Variants in GPC1 observed in about 807,000 individuals in gnomAD.
The protein encoded by GPC1 is glypican 1.
GPC1 carries 26 observed loss-of-function variants against 51.5 expected under a neutral mutation model. The observed-to-expected ratio is 0.50, with a 90% CI of 0.37 to 0.70. The LOEUF (loss-of-function observed/expected upper bound fraction) is 0.70. GPC1 is among the 30% of genes least tolerant of loss of function. The probability of loss-of-function intolerance (pLI) is 0.00; values close to 1 mark genes in which losing one functional copy is unlikely to be tolerated. For synonymous variants in GPC1, 380 were observed against 348.3 expected (o/e 1.09, Z -1.01); for missense variants, 775 against 800.5 (o/e 0.97, Z 0.38).
Position 240,462,294 on chromosome 2 carries a change from C to T in GPC1, c.429C>T (p.Asp143=). The T allele has an allele frequency of 6.2e-6, 10 of 1,608,978 alleles. No individual in the cohort carries two copies. The highest frequency in any genetic ancestry group is 1.1e-5 in the South Asian group (1 of 90,374). The stretch of plus-strand genomic sequence containing the variant: ...CGCAGAACGCGAGGGCCTTCCGGGA[C>T]CTGTACTCAGAGCTGCGCCTGTACT... ...LYTQNARAFR[D]LYSELRLYYR... is the part of the protein sequence containing the mutation. The change falls in exon 3 of 9, where the codon GAC becomes GAT. Residue 143 remains aspartate (D), a synonymous_variant. Transcript: ENST00000264039.
At chr2:240,462,952 G>A (rs555770581) in intron 3 of GPC1, among the ~76,000 whole-genome samples, 1 of 152,284 alleles carries the variant, frequency 6.6e-6, no homozygotes, top group East Asian at 1.9e-4. Context: ...GGGCCCCAGA[G>A]CCTCGCAGGC....
At chr2:240,463,801 C>G (rs2074237212) in intron 4 of GPC1, 2 of 487,606 alleles carry the variant, frequency 4.1e-6, no homozygotes, top group East Asian at 7.0e-5. Flanking sequence ...TACATGCCAA[C>G]ACGTGTGACT....
Position 240,457,190 on chromosome 2 carries a change from C to T in GPC1, c.167-1840C>T, listed in dbSNP as rs1339646213. ...CAAGCCAGAGCCCCCTGCATCAGTA[C>T]ATTCCAGAACTCAGACAGGAAAAGA... On this transcript the variant is annotated intron_variant, in intron 1 of 8. Coordinates refer to ENST00000264039, the MANE Select transcript of GPC1 (RefSeq NM_002081.3). Among the ~76,000 whole-genome samples the T allele has an allele frequency of 2.6e-5, 4 of 152,286 alleles. No homozygotes were observed. The East Asian group carries it at 7.7e-4, about 29-fold the overall frequency.
chr2:240,458,853 T>C, intron 1 of GPC1, 177 bp from the exon 2 acceptor site: 1 of 586,756 alleles, frequency 1.7e-6, no homozygotes, highest in Non-Finnish European at 3.0e-6. Context: ...GCCAGGCCTT[T>C]TCCTCCCTCC....
chr2:240,446,494 G>A (rs1454393087), intron 1 of GPC1, among the ~76,000 whole-genome samples: 1 of 152,214 alleles, frequency 6.6e-6, no homozygotes, highest in Non-Finnish European at 1.5e-5. Flanking sequence ...CAGGAATCTA[G>A]GCATCTGCAT....
chr2:240,463,836 G>A, intron 4 of GPC1: 1 of 390,992 alleles, frequency 2.6e-6, no homozygotes, highest in Admixed American at 4.2e-5. Flanking sequence ...ACTTGTTTAA[G>A]CTAACACATA....
chr2:240,451,288 G>A (rs555327445), intron 1 of GPC1: 2 of 470,702 alleles, frequency 4.2e-6, no homozygotes, highest in East Asian at 1.4e-4. Context: ...TTTGTGGACT[G>A]GAATGTGGCT....
At chr2:240,454,062 GC>G (rs1406419971) in intron 1 of GPC1, among the ~76,000 whole-genome samples, 1 of 148,640 alleles carries the variant, frequency 6.7e-6, no homozygotes, top group African/African-American at 2.5e-5. Context: ...TGAAATGGTG[GC>G]GGGGGGGCTT....
rs1431903285 is a variant in GPC1, at chr2:240,463,353, C to T, written c.724C>T (p.Leu242=). 5.0e-6 allele frequency: 8 copies of T among 1,612,484 alleles called. No homozygotes were observed. Among genetic ancestry groups the T allele is most frequent in the African/African-American group, 2.7e-5 (2 of 74,900 alleles). Reference sequence around the variant, plus strand: ...AGGGTCCCTTGCTCCCCAGGTCCCCCTGGGCCCGGAGTGCTCGAGAGCTGT... The same window carrying T: ...AGGGTCCCTTGCTCCCCAGGTCCCCTTGGGCCCGGAGTGCTCGAGAGCTGT... The part of the protein sequence containing the change: ...DVVRKVAQVP[L]GPECSRAVMK... The change falls in exon 4 of 9, where the codon CTG becomes TTG. Residue 242 remains leucine, a synonymous_variant. Coordinates refer to ENST00000264039, the MANE Select transcript of GPC1 (RefSeq NM_002081.3).
At chr2:240,459,461 C>T (rs1487044584) in intron 2 of GPC1, among the ~76,000 whole-genome samples, 1 of 152,202 alleles carries the variant, frequency 6.6e-6, no homozygotes, top group African/African-American at 2.4e-5. Context: ...CCTATCCCAT[C>T]AGCCCCTCAG....
chr2:240,451,229 TC>T (rs1559197100), intron 1 of GPC1: 1 of 471,216 alleles, frequency 2.1e-6, no homozygotes, highest in East Asian at 6.9e-5. Context: ...TATGTGTGTC[TC>T]TGCCTGGTTG....
At chr2:240,442,871 C>T (rs1303977911) in intron 1 of GPC1, among the ~76,000 whole-genome samples, 1 of 152,220 alleles carries the variant, frequency 6.6e-6, no homozygotes, top group Non-Finnish European at 1.5e-5. Flanking sequence ...CAGATGTGCC[C>T]GAGACCCTGG....
rs1329950624 is a variant in GPC1 at position 240,467,205 on chromosome 2, C to T, written c.*915C>T. ...ACCAGGGCCTCCCTGTTCACGGTGA[C>T]ACAGGTCAGGGCTCAGAGTGACCCT... On this transcript the variant is annotated 3_prime_UTR_variant, in exon 9 of 9. Coordinates refer to ENST00000264039, the MANE Select transcript of GPC1 (RefSeq NM_002081.3). 3 of 152,324 alleles carry T rather than the reference C, an allele frequency of 2.0e-5. No homozygotes were observed. Among genetic ancestry groups the T allele is most frequent in the South Asian group, 2.1e-4 (1 of 4,828 alleles). The allele number at this position is 152,324 out of a possible 1,614,324, so 9.4% of individuals were successfully genotyped here. A position where few individuals can be genotyped will look rare whatever the true frequency, so the allele number is the denominator to read the frequency against.
intron 2 of GPC1, among the ~76,000 whole-genome samples, chr2:240,460,328 G>A (rs938820363): frequency 4.6e-5 from 7 of 152,128 alleles, no homozygotes; most frequent in African/African-American, 1.7e-4. Flanking sequence ...TGGACCCGGG[G>A]AGCGAGCCCC....
rs2074121984 is a variant in GPC1, at chr2:240,453,346, TCCCACCGCCCGCCCCGCTCCCTCCGC to T, written c.167-5681_167-5656del. ...GCCCCGCTCCCACCGCCCGCCCCGC[TCCCACCGCCCGCCCCGCTCCCTCCGC>T]CCGCCCCGCTCCCTCCGCCCGCCCC... On this transcript the variant is annotated intron_variant, in intron 1 of 8. Coordinates refer to ENST00000264039, the MANE Select transcript of GPC1 (RefSeq NM_002081.3). 2.1e-3 allele frequency among the ~76,000 whole-genome samples: 5 copies of T among 2,370 alleles called. 1 individual carries two copies. Among genetic ancestry groups the T allele is most frequent in the Non-Finnish European group, 3.5e-3 (5 of 1,424 alleles). 1.6% of individuals were successfully genotyped at this position (2,370 alleles called of 152,430 possible).
chr2:240,441,459 G>C (rs1413462280), intron 1 of GPC1, among the ~76,000 whole-genome samples: 1 of 152,250 alleles, frequency 6.6e-6, no homozygotes, highest in African/African-American at 2.4e-5. Flanking sequence ...AGTTATTTCA[G>C]ATCAAGACTG....
chr2:240,438,408 C>T (rs953383858), intron 1 of GPC1, among the ~76,000 whole-genome samples: 1 of 152,164 alleles, frequency 6.6e-6, no homozygotes, highest in African/African-American at 2.4e-5. Flanking sequence ...CCTGCTTTGT[C>T]GGCTGGGCCT....
At position 240,462,227 on chromosome 2, in the gene GPC1, C is replaced by T. The variant is rs139334776; in HGVS notation, c.362C>T (p.Thr121Met). The change falls in exon 3 of 9, where the codon ACG (threonine) becomes ATG (methionine). Residue 121 changes from threonine to methionine, a missense_variant. By Grantham distance (81) the Thr-to-Met change is moderately conservative (BLOSUM62 -1). Transcript: ENST00000264039. ...FQHLLNDSER[T>M]LQATFPGAFG... ...CACCTGCTGAACGACTCGGAGCGGA[C>T]GCTGCAGGCCACCTTCCCCGGCGCC... The T allele has an allele frequency of 4.1e-5, 66 of 1,608,686 alleles. No homozygotes were observed. Among genetic ancestry groups the T allele is most frequent in the Non-Finnish European group, 4.7e-5 (55 of 1,177,380 alleles).
chr2:240,457,854 A>T lies in GPC1; in HGVS notation c.167-1176A>T, dbSNP rs531564947. 137 of 348,748 alleles carry T rather than the reference A, an allele frequency of 3.9e-4. No homozygotes were observed. The East Asian group carries it at 0.01, about 26-fold the overall frequency. The allele number at this position is 348,748 out of a possible 1,614,324, so 21.6% of individuals were successfully genotyped here. The stretch of plus-strand genomic sequence containing the variant: ...GCCCAGGGTCCCAGAACAGGATGAG[A>T]CAGGCCCCTGAGGCGGCAGTCCTGA... On this transcript the variant is annotated intron_variant, in intron 1 of 8. Coordinates refer to ENST00000264039, the MANE Select transcript of GPC1 (RefSeq NM_002081.3).
Sources: allele counts gnomAD v4.1 joint callset (sites outside exome capture counted in the v4.1 genomes callset), GRCh38; gene constraint gnomAD v4.1.1; transcripts MANE v1.5; gene names NCBI Gene and HGNC (gene_info 2026-07-23, HGNC 2026-07-21).